Variants in FGD4 observed in about 807,000 individuals in gnomAD.
FGD4 encodes the protein FYVE, RhoGEF and PH domain containing 4, also known as FYVE, RhoGEF and PH domain-containing protein 4.
Under a neutral mutation model 102.0 loss-of-function variants are expected in FGD4, and 42 were observed. That is an observed-to-expected ratio of 0.41 (90% confidence interval 0.32 to 0.53). The LOEUF (loss-of-function observed/expected upper bound fraction) is 0.53, where lower values mean the gene tolerates loss of function less well. FGD4 is among the 20% of genes least tolerant of loss of function. The pLI is 0.21. For synonymous variants in FGD4, 380 were observed against 375.7 expected (o/e 1.01, Z -0.13); for missense variants, 902 against 1,078.2 (o/e 0.84, Z 2.29).
intron 1 of FGD4, among the ~76,000 whole-genome samples, chr12:32,519,127 A>G (rs1764928641): frequency 1.3e-5 from 2 of 149,840 alleles, no homozygotes; most frequent in Admixed American, 1.3e-4. Context: ...AGGAAAAAAA[A>G]AAAAAAAAAA....
intron 1 of FGD4, among the ~76,000 whole-genome samples, chr12:32,537,129 C>A (rs533871278): frequency 2.3e-3 from 346 of 152,196 alleles, no homozygotes; most frequent in Middle Eastern, 6.8e-3. Context: ...AGGATGGTCT[C>A]AATCTCCTGA....
intron 1 of FGD4, among the ~76,000 whole-genome samples, chr12:32,473,462 G>A (rs1195555150): frequency 6.6e-6 from 1 of 151,932 alleles, no homozygotes; most frequent in Admixed American, 6.6e-5. Flanking sequence ...AACACTCACC[G>A]CAAAGGTCTG....
At chr12:32,580,671 A>G (rs541661306) in intron 3 of FGD4, among the ~76,000 whole-genome samples, 1 of 152,096 alleles carries the variant, frequency 6.6e-6, no homozygotes, top group African/African-American at 2.4e-5. Context: ...GCAGATCACG[A>G]GGTCAGGAGA....
intron 1 of FGD4, among the ~76,000 whole-genome samples, chr12:32,468,448 G>A (rs922037476): frequency 1.3e-5 from 2 of 152,116 alleles, no homozygotes; most frequent in Non-Finnish European, 2.9e-5. Flanking sequence ...TTGAGCTCTC[G>A]AGTGCTAGAG....
chr12:32,562,432 A>G (rs1565843476), intron 1 of FGD4, among the ~76,000 whole-genome samples: 1 of 151,962 alleles, frequency 6.6e-6, no homozygotes, highest in African/African-American at 2.4e-5. Context: ...TTTCTTTTTT[A>G]TTGATCATTC....
At chr12:32,578,838 A>T (rs1565864741) in intron 3 of FGD4, among the ~76,000 whole-genome samples, 1 of 151,860 alleles carries the variant, frequency 6.6e-6, no homozygotes, top group Non-Finnish European at 1.5e-5. Context: ...CTTAAAAAAA[A>T]AAAAACATCG....
At chr12:32,487,424 G>GTTA (rs3077001) in intron 1 of FGD4, among the ~76,000 whole-genome samples, 49,685 of 151,648 alleles carry the variant, frequency 0.33, 8,199 homozygotes, top group East Asian at 0.45. Context: ...GTTATTATTT[G>GTTA]TTATTATTAT....
At chr12:32,424,260 C>T (rs1591873371) in intron 1 of FGD4, among the ~76,000 whole-genome samples, 1 of 152,056 alleles carries the variant, frequency 6.6e-6, no homozygotes, top group Non-Finnish European at 1.5e-5. Context: ...TGATGTTCCC[C>T]TCCCTGTGTC....
chr12:32,470,468 T>TC lies in FGD4; in HGVS notation c.166+70509_166+70510insC, dbSNP rs199777211. ...AAGTTTTCTTTTTTCTTTTTCTTTTTTTTTTTTTTTTTTGAGTTGCAGTCT... is the reference window on the plus strand; with the variant it reads ...AAGTTTTCTTTTTTCTTTTTCTTTTTCTTTTTTTTTTTTTGAGTTGCAGTCT... On this transcript the variant is annotated intron_variant, in intron 1 of 16. Coordinates refer to ENST00000534526, the MANE Select transcript of FGD4 (RefSeq NM_001370298.3). Among the ~76,000 whole-genome samples the TC allele has an allele frequency of 4.1e-5, 6 of 147,874 alleles. No individual in the cohort carries two copies. The East Asian group carries it at 5.9e-4, about 14-fold the overall frequency.
Position 32,563,827 on chromosome 12 carries a change from C to T in FGD4, c.167-310C>T, listed in dbSNP as rs187730116. 4.1e-3 allele frequency among the ~76,000 whole-genome samples: 619 copies of T among 152,258 alleles called. 5 individuals are homozygous for T. The highest frequency in any genetic ancestry group is 4.4e-3 in the Non-Finnish European group (297 of 68,014). On this transcript the variant is annotated intron_variant, in intron 1 of 16. Transcript: ENST00000534526. ...CAGCCCAGCCAACCCAGCGAAACCCCGTCTCCACCAAAAAAGTACGAAAAC... is the reference window on the plus strand; with the variant it reads ...CAGCCCAGCCAACCCAGCGAAACCCTGTCTCCACCAAAAAAGTACGAAAAC...
intron 1 of FGD4, among the ~76,000 whole-genome samples, chr12:32,449,839 A>G (rs1293926899): frequency 8.5e-5 from 13 of 152,146 alleles, no homozygotes. Context: ...CCCGGGCTCA[A>G]GGGATCTTCT....
chr12:32,552,985 G>C (rs957240599), intron 1 of FGD4, among the ~76,000 whole-genome samples: 1 of 146,810 alleles, frequency 6.8e-6, no homozygotes, highest in Non-Finnish European at 1.5e-5. Flanking sequence ...GTAGAGACAG[G>C]GTTTCTCCAT....
rs7964734 is a variant in FGD4, at chr12:32,602,466, T to C, written c.1404+149T>C. 0.4 allele frequency: 339,236 copies of C among 847,796 alleles called. 72,953 individuals carry two copies. The highest frequency in any genetic ancestry group is 0.67 in the African/African-American group (39,664 of 58,886). The allele number at this position is 847,796 out of a possible 1,614,324, so 52.5% of individuals were successfully genotyped here. A position where few individuals can be genotyped will look rare whatever the true frequency, so the allele number is the denominator to read the frequency against. On this transcript the variant is annotated intron_variant, in intron 7 of 16. Coordinates refer to ENST00000534526, the MANE Select transcript of FGD4 (RefSeq NM_001370298.3). ...CAAATTATGCAGATCATCTCTGCAATGCTGAAATACGTATCAGTCACATGC... is the reference window on the plus strand; with the variant it reads ...CAAATTATGCAGATCATCTCTGCAACGCTGAAATACGTATCAGTCACATGC...
intron 1 of FGD4, chr12:32,557,081 G>A (rs981132941): frequency 2.6e-5 from 4 of 152,146 alleles, no homozygotes; most frequent in African/African-American, 9.7e-5. Flanking sequence ...TTGAACTCCT[G>A]ACCTCAGGTG....
At chr12:32,563,679 C>A (rs1230629231) in intron 1 of FGD4, among the ~76,000 whole-genome samples, 1 of 152,044 alleles carries the variant, frequency 6.6e-6, no homozygotes, top group Non-Finnish European at 1.5e-5. Flanking sequence ...TAGCGAGCCG[C>A]GATCACGCCA....
intron 11 of FGD4, 37 bp downstream of exon 11, chr12:32,619,907 T>C (rs555681870): frequency 1.2e-6 from 2 of 1,610,028 alleles, no homozygotes; most frequent in East Asian, 2.2e-5. Context: ...CTTTCCAAAA[T>C]CAGGCAACAG....
chr12:32,533,641 T>G (rs1941995301), intron 1 of FGD4, among the ~76,000 whole-genome samples: 1 of 152,182 alleles, frequency 6.6e-6, no homozygotes, highest in South Asian at 2.1e-4. Context: ...GCCAGGCTGG[T>G]TTCGAACTCC....
chr12:32,502,179 G>C (rs1042072282), intron 1 of FGD4: 10 of 985,440 alleles, frequency 1.0e-5, no homozygotes, highest in South Asian at 9.4e-5. Flanking sequence ...GCTGGGCTGG[G>C]AAGTGGGGAA....
At chr12:32,421,266 T>C (rs1941615106) in intron 1 of FGD4, among the ~76,000 whole-genome samples, 1 of 152,200 alleles carries the variant, frequency 6.6e-6, no homozygotes, top group Non-Finnish European at 1.5e-5. Flanking sequence ...TCAGCTTTCC[T>C]TGTGTGTCTA....
Sources: allele counts gnomAD v4.1 joint callset (sites outside exome capture counted in the v4.1 genomes callset), GRCh38; gene constraint gnomAD v4.1.1; transcripts MANE v1.5; gene names NCBI Gene and HGNC (gene_info 2026-07-23, HGNC 2026-07-21).